PPM1F: variants seen among roughly 807,000 people sequenced by gnomAD.
PPM1F encodes protein phosphatase 1F.
A neutral mutation model predicts 35.5 loss-of-function variants in PPM1F; 17 were observed. The observed-to-expected ratio is 0.48, with a 90% CI of 0.33 to 0.72. The LOEUF (loss-of-function observed/expected upper bound fraction) is 0.72. PPM1F is among the 30% of genes least tolerant of loss of function. The probability of loss-of-function intolerance (pLI) is 0.02; values close to 1 mark genes in which losing one functional copy is unlikely to be tolerated. For synonymous variants in PPM1F, 241 were observed against 255.5 expected, an observed-to-expected ratio of 0.94 and a Z score of 0.54; for missense variants, 521 against 613.0, an observed-to-expected ratio of 0.85 and a Z score of 1.59.
At chr22:21,952,562 TTCC>T (rs1292060313) in intron 1 of PPM1F, 1 of 119,024 alleles carries the variant, frequency 8.4e-6, no homozygotes, top group African/African-American at 3.2e-5. Flanking sequence ...CAGCCTCGGG[TTCC>T]TCATGTCCGC....
chr22:21,922,893 C>G lies in PPM1F; in HGVS notation c.*199G>C, dbSNP rs2070462879. On this transcript the variant is annotated 3_prime_UTR_variant, in exon 8 of 8. Coordinates refer to ENST00000263212, the MANE Select transcript of PPM1F (RefSeq NM_014634.4). Reference sequence around the variant, plus strand: ...GTGAGGTCTCCTAAGCTGCCTTCCACCATCTGCCCGCCACCCAGTGCAGTT... The same window carrying G: ...GTGAGGTCTCCTAAGCTGCCTTCCAGCATCTGCCCGCCACCCAGTGCAGTT... 1 of 673,956 alleles carries G rather than the reference C, an allele frequency of 1.5e-6. No individual in the cohort carries two copies. Among genetic ancestry groups the G allele is most frequent in the Admixed American group, 2.7e-5 (1 of 37,230 alleles). 41.7% of individuals were successfully genotyped at this position (673,956 alleles called of 1,614,324 possible). A position where few individuals can be genotyped will look rare whatever the true frequency, so the allele number is the denominator to read the frequency against.
At chr22:21,947,060 G>C (rs998603326) in intron 1 of PPM1F, 1 of 152,234 alleles carries the variant, frequency 6.6e-6, no homozygotes, top group African/African-American at 2.4e-5. Context: ...GGATCGCAAA[G>C]CCTGTGCCTT....
At chr22:21,924,578 T>TC (rs2070488829) in intron 7 of PPM1F, among the ~76,000 whole-genome samples, 3 of 149,804 alleles carry the variant, frequency 2.0e-5, no homozygotes, top group Admixed American at 1.3e-4. Flanking sequence ...GCTACTTTTT[T>TC]TTTTTTTTTT....
At chr22:21,946,728 C>T (rs978994813) in intron 1 of PPM1F, 1 of 152,306 alleles carries the variant, frequency 6.6e-6, no homozygotes, top group African/African-American at 2.4e-5. Context: ...CTGGGACAGA[C>T]AGGAGGTGCT....
chr22:21,931,809 C>T (rs185568900), intron 5 of PPM1F, among the ~76,000 whole-genome samples: 103 of 150,188 alleles, frequency 6.9e-4, no homozygotes, highest in African/African-American at 2.4e-3. Flanking sequence ...TGAGTCACTG[C>T]GCCTGGCTAT....
chr22:21,943,905 C>A (rs1484193689), intron 2 of PPM1F: 1 of 152,324 alleles, frequency 6.6e-6, no homozygotes, highest in Non-Finnish European at 1.5e-5. Flanking sequence ...TTTGCCCGGT[C>A]ACCTCATGCT....
At chr22:21,932,429 A>G (rs2070603426) in intron 5 of PPM1F, among the ~76,000 whole-genome samples, 1 of 152,192 alleles carries the variant, frequency 6.6e-6, no homozygotes. Context: ...ATTGAGATGC[A>G]AAGCCTGGCT....
Position 21,933,565 on chromosome 22 carries a change from G to T in PPM1F, c.573C>A (p.Arg191=), listed in dbSNP as rs867583095. 2 of 1,611,964 alleles carry T rather than the reference G, an allele frequency of 1.2e-6. No homozygotes were observed. Among genetic ancestry groups the T allele is most frequent in the African/African-American group, 1.3e-5 (1 of 74,918 alleles). Residue 191 remains arginine, a synonymous_variant, in exon 5 of 8, where the codon CGC becomes CGA. Transcript: ENST00000263212. ...GACCATCAAACACAGCAAAGTAGGC[G>T]CGGTTCACAGGGTCCTGGTGGGGAT... is the stretch of plus-strand genomic sequence containing the variant. The part of the protein sequence containing the change: ...QLFGLSDPVN[R]AYFAVFDGHG...
intron 7 of PPM1F, among the ~76,000 whole-genome samples, chr22:21,924,268 C>CTT (rs34519625): frequency 1.2e-3 from 163 of 137,186 alleles, no homozygotes; most frequent in Middle Eastern, 3.8e-3. Context: ...GCTGGACCCA[C>CTT]TTTTTTTTTT....
At chr22:21,925,186 C>T (rs1427997325) in intron 7 of PPM1F, 6 of 346,884 alleles carry the variant, frequency 1.7e-5, no homozygotes, top group East Asian at 4.3e-5. Context: ...TGAGCCACCG[C>T]GCCCAGCGAA....
Position 21,923,365 on chromosome 22 carries a change from G to A in PPM1F, c.1092C>T (p.Asp364=), listed in dbSNP as rs748505451. The A allele has an allele frequency of 3.5e-5, 56 of 1,613,836 alleles. No homozygotes were observed. The highest frequency in any genetic ancestry group is 5.5e-5 in the South Asian group (5 of 91,078). The change falls in exon 8 of 8, where the codon GAC becomes GAT. Residue 364 remains aspartate, a synonymous_variant. Coordinates refer to ENST00000263212, the MANE Select transcript of PPM1F (RefSeq NM_014634.4). ...CAACAACTTCCTGGTGGGGTACGACGTCAAAGAAGCCATCACAGGCAAGCA... is the reference window on the plus strand; with the variant it reads ...CAACAACTTCCTGGTGGGGTACGACATCAAAGAAGCCATCACAGGCAAGCA... ...YLLLACDGFF[D]VVPHQEVVGL...
At chr22:21,929,671 C>T (rs2070564829) in intron 6 of PPM1F, among the ~76,000 whole-genome samples, 1 of 152,154 alleles carries the variant, frequency 6.6e-6, no homozygotes, top group Non-Finnish European at 1.5e-5. Flanking sequence ...GTGCCAAATT[C>T]CCCCACGGTG....
chr22:21,945,465 T>C (rs148841623), intron 2 of PPM1F: 37 of 230,802 alleles, frequency 1.6e-4, no homozygotes, highest in Admixed American at 3.3e-4. Context: ...GACACACACA[T>C]GGGGAGATGC....
chr22:21,947,227 C>CA (rs1724037841), intron 1 of PPM1F: 1 of 152,876 alleles, frequency 6.5e-6, no homozygotes, highest in Non-Finnish European at 1.5e-5. Context: ...AGCTCTCCAG[C>CA]GCCCCCCCTT....
Position 21,922,946 on chromosome 22 carries a change from G to GC in PPM1F, c.*145_*146insG. On this transcript the variant is annotated 3_prime_UTR_variant, in exon 8 of 8. Coordinates refer to ENST00000263212, the MANE Select transcript of PPM1F (RefSeq NM_014634.4). ...ACAGCCACCAGGACGGGCTGCGGGGGGTGTCCCGACTGGCTCTGGGGTGCT... is the reference window on the plus strand; with the variant it reads ...ACAGCCACCAGGACGGGCTGCGGGGGCGTGTCCCGACTGGCTCTGGGGTGCT... 1 of 1,086,586 alleles carries GC rather than the reference G, an allele frequency of 9.2e-7. No individual in the cohort carries two copies. The highest frequency in any genetic ancestry group is 1.6e-5 in the South Asian group (1 of 64,248). 67.3% of individuals were successfully genotyped at this position (1,086,586 alleles called of 1,614,324 possible).
intron 3 of PPM1F, chr22:21,938,994 C>T (rs1354347343): frequency 6.4e-6 from 1 of 156,582 alleles, no homozygotes; most frequent in Non-Finnish European, 1.4e-5. Context: ...CCATGGGGCT[C>T]ATGGACACCG....
chr22:21,930,969 G>A (rs2070581716), intron 6 of PPM1F, among the ~76,000 whole-genome samples, 179 bp downstream of exon 6: 1 of 152,228 alleles, frequency 6.6e-6, no homozygotes, highest in South Asian at 2.1e-4. Context: ...GACCCACAGA[G>A]CTCTCAGGAA....
chr22:21,951,639 G>A (rs909220329), intron 1 of PPM1F: 6 of 152,100 alleles, frequency 3.9e-5, no homozygotes, highest in African/African-American at 7.2e-5. Context: ...GAGCCACCGC[G>A]CCCGGCCTTC....
intron 4 of PPM1F, 28 bp from the exon 5 acceptor site, chr22:21,933,607 A>G: frequency 6.3e-7 from 1 of 1,586,650 alleles, no homozygotes; most frequent in Non-Finnish European, 8.6e-7. Flanking sequence ...GGAGTCACAG[A>G]CCCGCGGGAC....
Sources: gnomAD v4.1 joint callset for allele counts (sites outside exome capture counted in the v4.1 genomes callset) on GRCh38, gnomAD v4.1.1 for gene constraint, MANE v1.5 for transcripts, NCBI Gene and HGNC (gene_info 2026-07-23, HGNC 2026-07-21) for gene names.